Variants in NAV1 observed in about 807,000 individuals in gnomAD.
NAV1 encodes the protein neuron navigator 1, also known as pore membrane and/or filament interacting like protein 3.
In NAV1, 18 loss-of-function variants were observed where a neutral mutation model predicts 175.2. The ratio of observed to expected loss-of-function variants is 0.10; its 90% CI spans 0.07 to 0.15. The LOEUF (loss-of-function observed/expected upper bound fraction) is 0.15. NAV1 is among the 10% of genes least tolerant of loss of function. The pLI is 1.00. For synonymous variants in NAV1, 897 were observed against 978.7 expected, an observed-to-expected ratio of 0.92 and a Z score of 1.56; for missense variants, 1,731 against 2,436.6, an observed-to-expected ratio of 0.71 and a Z score of 6.10.
intron 28 of NAV1, among the ~76,000 whole-genome samples, chr1:201,816,587 A>G (rs1487450653): frequency 6.6e-6 from 1 of 151,762 alleles, no homozygotes; most frequent in Admixed American, 6.6e-5. Flanking sequence ...TTATTTTACA[A>G]TTTATACCAA....
At chr1:201,599,798 G>A (rs1226688554) in intron 2 of NAV1, among the ~76,000 whole-genome samples, 1 of 152,214 alleles carries the variant, frequency 6.6e-6, no homozygotes, top group Non-Finnish European at 1.5e-5. Flanking sequence ...CATAAACAAG[G>A]AGAGATATTT....
chr1:201,568,518 C>T (rs1356859387), intron 1 of NAV1, among the ~76,000 whole-genome samples: 1 of 152,128 alleles, frequency 6.6e-6, no homozygotes, highest in Non-Finnish European at 1.5e-5. Flanking sequence ...GGGGTGGCTG[C>T]ATGTACACAC....
chr1:201,782,939 T>C lies in NAV1; in HGVS notation c.2357+70T>C. 7.4e-7 allele frequency: 1 copy of C among 1,349,152 alleles called. No individual in the cohort carries two copies. The highest frequency in any genetic ancestry group is 1.0e-6 in the Non-Finnish European group (1 of 986,842). The allele number at this position is 1,349,152 out of a possible 1,614,324, so 83.6% of individuals were successfully genotyped here. Reference sequence around the variant, plus strand: ...TTCTTTCGCATATCTCTGCCCTCCTTGGACTAGATGAGGCATGGCCTATCC... The same window carrying C: ...TTCTTTCGCATATCTCTGCCCTCCTCGGACTAGATGAGGCATGGCCTATCC... On this transcript the variant is annotated intron_variant, in intron 6 of 29. Coordinates refer to ENST00000367296, the Ensembl canonical transcript of NAV1. This position sits in a 1 kb window ranked among gnomAD's most constrained non-coding sequence, Gnocchi z 5.4.
intron 1 of NAV1, among the ~76,000 whole-genome samples, chr1:201,653,180 A>G (rs772428751): frequency 1.3e-5 from 2 of 152,142 alleles, no homozygotes; most frequent in South Asian, 4.1e-4. Context: ...TAACACCCCA[A>G]ATCTTCCTAC....
intron 1 of NAV1, among the ~76,000 whole-genome samples, chr1:201,702,690 C>CTT (rs1558080682): frequency 7.1e-6 from 1 of 140,614 alleles, no homozygotes; most frequent in Non-Finnish European, 1.5e-5. Context: ...CTCTCTCTCT[C>CTT]TCTCTCTCTC....
intron 1 of NAV1, among the ~76,000 whole-genome samples, chr1:201,551,807 A>T (rs552990658): frequency 1.3e-5 from 2 of 152,270 alleles, no homozygotes; most frequent in East Asian, 3.9e-4. Context: ...TTGTGCATGA[A>T]TTTAGGCCTG....
rs139471374 is a variant in NAV1 at position 201,750,500 on chromosome 1, G to T, written c.1227-29921G>T. Among the ~76,000 whole-genome samples, 6 of 152,196 alleles carry T rather than the reference G, an allele frequency of 3.9e-5. No individual in the cohort carries two copies. The highest frequency in any genetic ancestry group is 3.9e-4 in the East Asian group (2 of 5,178). On this transcript the variant is annotated intron_variant, in intron 3 of 29. Transcript: ENST00000367296. This position sits in a 1 kb window ranked among gnomAD's most constrained non-coding sequence, Gnocchi z 4.1. The stretch of plus-strand genomic sequence containing the variant: ...TTCTGGTTAAAATGTTAGTAAAAAC[G>T]ATTGCTCTTCTTAAAAAAGGGCTTG...
intron 1 of NAV1, among the ~76,000 whole-genome samples, chr1:201,570,884 C>T (rs759272406): frequency 7.9e-5 from 12 of 152,234 alleles, no homozygotes; most frequent in Non-Finnish European, 1.6e-4. Context: ...TACCATTAGC[C>T]CTGCAGCTGC....
At chr1:201,706,257 G>GTA in intron 1 of NAV1, among the ~76,000 whole-genome samples, 2 of 143,102 alleles carry the variant, frequency 1.4e-5, no homozygotes, top group African/African-American at 5.8e-5. Context: ...AAGAAGGGGT[G>GTA]TGTGTGTGTG....
chr1:201,677,122 C>T (rs575872717), intron 1 of NAV1, among the ~76,000 whole-genome samples: 7 of 151,800 alleles, frequency 4.6e-5, no homozygotes, highest in Non-Finnish European at 1.0e-4. Context: ...TATGGTGGTG[C>T]GTGCCTGTAA....
upstream of NAV1, among the ~76,000 whole-genome samples, chr1:201,617,962 G>A (rs140240535): frequency 2.0e-5 from 3 of 152,256 alleles, no homozygotes; most frequent in African/African-American, 7.2e-5. Flanking sequence ...CAAGCATGAT[G>A]TCTCCCAAAT....
chr1:201,564,125 A>AGGGG (rs142560035), intron 1 of NAV1, among the ~76,000 whole-genome samples: 1 of 148,584 alleles, frequency 6.7e-6, no homozygotes, highest in African/African-American at 2.5e-5. Flanking sequence ...AAAGGAAAGA[A>AGGGG]GGAGGGAGGG....
At position 201,808,196 on chromosome 1, in the gene NAV1, G is replaced by A. The variant is rs1400252470; in HGVS notation, c.3845+47G>A. The A allele has an allele frequency of 2.5e-6, 4 of 1,601,972 alleles. No homozygotes were observed. The highest frequency in any genetic ancestry group is 1.7e-5 in the Admixed American group (1 of 59,674). Reference sequence around the variant, plus strand: ...GCCACCCAGCCTGTTACCAGTGTAAGCTGTGGGCTAGAGTTGACAGGAGGC... The same window carrying A: ...GCCACCCAGCCTGTTACCAGTGTAAACTGTGGGCTAGAGTTGACAGGAGGC... On this transcript the variant is annotated intron_variant, in intron 18 of 29. Transcript: ENST00000367296. The surrounding 1 kb of genome is among the most constrained non-coding windows in gnomAD (Gnocchi z 5.5).
intron 3 of NAV1, among the ~76,000 whole-genome samples, chr1:201,719,302 A>T (rs2102487143): frequency 6.6e-6 from 1 of 152,214 alleles, no homozygotes; most frequent in East Asian, 2.0e-4. Flanking sequence ...GTAACCCCTC[A>T]GTTCCCTATC....
intron 1 of NAV1, among the ~76,000 whole-genome samples, chr1:201,549,567 A>G (rs1481109073): frequency 6.6e-6 from 1 of 152,202 alleles, no homozygotes; most frequent in Non-Finnish European, 1.5e-5. Flanking sequence ...TGGAGGAAGG[A>G]AATCTAAGGC....
intron 2 of NAV1, among the ~76,000 whole-genome samples, chr1:201,601,871 C>T (rs914849518): frequency 6.6e-6 from 1 of 152,260 alleles, no homozygotes; most frequent in Non-Finnish European, 1.5e-5. Context: ...AGTCCCCTAG[C>T]CCAGCATCCC....
chr1:201,816,956 G>A, intron 28 of NAV1, 132 bp from the exon 33 acceptor site: 3 of 738,890 alleles, frequency 4.1e-6, no homozygotes, highest in Non-Finnish European at 6.6e-6. Flanking sequence ...TTACAGGCAT[G>A]AGCCACTGCG....
At chr1:201,737,403 G>C (rs1181112775) in intron 3 of NAV1, 1 of 152,182 alleles carries the variant, frequency 6.6e-6, no homozygotes, top group Non-Finnish European at 1.5e-5. Context: ...TCAATCCCAA[G>C]AAGGAGGTGA....
At chr1:201,569,855 A>C (rs1666478439) in intron 1 of NAV1, among the ~76,000 whole-genome samples, 1 of 152,208 alleles carries the variant, frequency 6.6e-6, no homozygotes. Context: ...CTCTGGAAGC[A>C]GACATCCAGC....
Sources: gnomAD v4.1 joint callset for allele counts (sites outside exome capture counted in the v4.1 genomes callset) on GRCh38, gnomAD v4.1.1 for gene constraint, Gnocchi (gnomAD v3.1) non-coding constraint, MANE v1.5 for transcripts, NCBI Gene and HGNC (gene_info 2026-07-23, HGNC 2026-07-21) for gene names.